The following HS3ST5 variants were observed in gnomAD, a reference collection of about 807,000 sequenced individuals.
HS3ST5 encodes the protein heparan sulfate-glucosamine 3-sulfotransferase 5, also known as heparan sulfate glucosamine 3-O-sulfotransferase 5.
HS3ST5 carries 10 observed loss-of-function variants against 25.4 expected under a neutral mutation model. That is an observed-to-expected ratio of 0.39 (90% confidence interval 0.24 to 0.67). The LOEUF is 0.67. HS3ST5 is among the 30% of genes least tolerant of loss of function. HS3ST5 has a pLI of 0.44. For missense variants in HS3ST5, 324 were observed against 420.7 expected, an observed-to-expected ratio of 0.77 and a Z score of 2.01; for synonymous variants, 170 against 162.4, an observed-to-expected ratio of 1.05 and a Z score of -0.36.
rs114893189 is a variant in HS3ST5 at position 114,121,963 on chromosome 6, C to T, written c.-33+46388G>A. Among the ~76,000 whole-genome samples, 370 of 152,328 alleles carry T rather than the reference C, an allele frequency of 2.4e-3. 4 individuals are homozygous for T. Among genetic ancestry groups the T allele is most frequent in the African/African-American group, 8.4e-3 (351 of 41,578 alleles). On this transcript the variant is annotated intron_variant, in intron 3 of 4. Coordinates refer to ENST00000312719, the MANE Select transcript of HS3ST5 (RefSeq NM_153612.4). The stretch of plus-strand genomic sequence containing the variant: ...CTTCTTCCTGCTGGAAGTCCTGTCC[C>T]AGGCCCCACCTGGGTGCTAGATGCC...
chr6:114,262,096 T>C (rs1442276118), intron 1 of HS3ST5, among the ~76,000 whole-genome samples: 1 of 152,180 alleles, frequency 6.6e-6, no homozygotes, highest in Non-Finnish European at 1.5e-5. Flanking sequence ...ATTTTGCACA[T>C]CCTACTTTGC....
At chr6:114,150,031 T>C (rs1240597722) in intron 3 of HS3ST5, among the ~76,000 whole-genome samples, 1 of 152,198 alleles carries the variant, frequency 6.6e-6, no homozygotes, top group East Asian at 1.9e-4. Context: ...TCTGGTACTT[T>C]TGGCTAGTGT....
chr6:114,283,084 T>G (rs1774192105), intron 1 of HS3ST5, among the ~76,000 whole-genome samples: 1 of 151,886 alleles, frequency 6.6e-6, no homozygotes. Flanking sequence ...AGAAAGACAG[T>G]AGAGAGGGCA....
intron 2 of HS3ST5, among the ~76,000 whole-genome samples, chr6:114,224,167 A>G (rs1396320383): frequency 2.0e-5 from 3 of 151,584 alleles, no homozygotes; most frequent in Non-Finnish European, 4.4e-5. Flanking sequence ...TTTCATTTTC[A>G]AAGTTTTGAA....
At chr6:114,280,747 T>C (rs1444203208) in intron 1 of HS3ST5, among the ~76,000 whole-genome samples, 1 of 152,042 alleles carries the variant, frequency 6.6e-6, no homozygotes, top group Non-Finnish European at 1.5e-5. Context: ...TCAATTTGTA[T>C]GCCTTTGAAG....
chr6:114,204,231 T>A (rs1781162364), intron 2 of HS3ST5, among the ~76,000 whole-genome samples: 1 of 152,150 alleles, frequency 6.6e-6, no homozygotes, highest in Non-Finnish European at 1.5e-5. Flanking sequence ...CTGAGGCAGA[T>A]AAGGGCTTTG....
intron 2 of HS3ST5, among the ~76,000 whole-genome samples, chr6:114,222,680 A>T (rs970973034): frequency 1.3e-5 from 2 of 151,878 alleles, no homozygotes; most frequent in African/African-American, 4.8e-5. Flanking sequence ...AGAGCAAGGA[A>T]TGGAAGAACA....
chr6:114,214,185 T>C (rs1781645096), intron 2 of HS3ST5, among the ~76,000 whole-genome samples: 5 of 152,230 alleles, frequency 3.3e-5, no homozygotes, highest in Admixed American at 1.3e-4. Flanking sequence ...AAACTTTTAA[T>C]CTGAAATAAA....
chr6:114,301,622 T>G (rs774743694), intron 1 of HS3ST5, among the ~76,000 whole-genome samples: 7 of 152,196 alleles, frequency 4.6e-5, no homozygotes, highest in Non-Finnish European at 1.0e-4. Flanking sequence ...CTTTCCTAAA[T>G]ATGGTAAAGC....
In HS3ST5 at chr6:114,062,805, A is replaced by G. The variant is rs375437133; in HGVS notation, c.41T>C (p.Leu14Pro). The change falls in exon 4 of 5, where the codon CTG (leucine) becomes CCG (proline). Residue 14 changes from leucine (L) to proline (P), a missense_variant. Transcript: ENST00000312719. ...KQQAWLRQKLLVLGSLAVGSL... is the reference protein window; with the variant it reads ...KQQAWLRQKLPVLGSLAVGSL... The stretch of plus-strand genomic sequence containing the variant: ...CCCAACGGCAAGGCTTCCCAGCACC[A>G]GGAGCTTCTGTCTCAGCCACGCCTG... 1.9e-6 allele frequency: 3 copies of G among 1,613,982 alleles called. No individual in the cohort carries two copies. The highest frequency in any genetic ancestry group is 2.7e-5 in the African/African-American group (2 of 74,928).
chr6:114,192,739 T>A (rs186863145), intron 2 of HS3ST5, among the ~76,000 whole-genome samples: 239 of 152,238 alleles, frequency 1.6e-3, no homozygotes, highest in African/African-American at 5.5e-3. Flanking sequence ...ACTATACAAT[T>A]TGGGGAAAAT....
intron 3 of HS3ST5, among the ~76,000 whole-genome samples, chr6:114,112,030 C>CGAG (rs1367629709): frequency 6.6e-6 from 1 of 152,054 alleles, no homozygotes; most frequent in Non-Finnish European, 1.5e-5. Flanking sequence ...TCCATGGTTC[C>CGAG]GCTGTATAAT....
intron 1 of HS3ST5, chr6:114,230,311 G>T (rs1349173028): frequency 2.0e-5 from 3 of 151,972 alleles, no homozygotes; most frequent in Non-Finnish European, 4.4e-5. Flanking sequence ...CTTTGCCTCG[G>T]TGACAAAGCT....
chr6:114,341,230 A>AGAGAGAGC (rs1236173711), intron 1 of HS3ST5, among the ~76,000 whole-genome samples: 3 of 137,586 alleles, frequency 2.2e-5, no homozygotes, highest in Non-Finnish European at 4.7e-5. Flanking sequence ...GGGGAGAGAG[A>AGAGAGAGC]GAGAGAGAGA....
chr6:114,203,022 GT>G (rs1236422071), intron 2 of HS3ST5, among the ~76,000 whole-genome samples: 30 of 152,186 alleles, frequency 2.0e-4, no homozygotes, highest in Non-Finnish European at 3.7e-4. Context: ...ATCAGAACTG[GT>G]GGTTAGTTAA....
At chr6:114,138,141 A>C (rs1399532733) in intron 3 of HS3ST5, among the ~76,000 whole-genome samples, 1 of 152,172 alleles carries the variant, frequency 6.6e-6, no homozygotes, top group Non-Finnish European at 1.5e-5. Context: ...CTGATTCCTT[A>C]GTCCATTATA....
intron 1 of HS3ST5, among the ~76,000 whole-genome samples, chr6:114,265,322 G>A (rs1179742516): frequency 6.6e-6 from 1 of 152,218 alleles, no homozygotes. Flanking sequence ...GGGTTTGGCT[G>A]CTTGAAGGCT....
At position 114,141,854 on chromosome 6, in the gene HS3ST5, TAGTTTG is replaced by T. The variant is rs891445405; in HGVS notation, c.-33+26491_-33+26496del. ...CAGCTTTCTGCTCTATCTAAGATGA[TAGTTTG>T]TGTGTGTGTGTGTGTGTGTGTGTGT... On this transcript the variant is annotated intron_variant, in intron 3 of 4. Coordinates refer to ENST00000312719, the MANE Select transcript of HS3ST5 (RefSeq NM_153612.4). Among the ~76,000 whole-genome samples the T allele has an allele frequency of 3.3e-5, 4 of 120,730 alleles. 1 individual carries two copies. The highest frequency in any genetic ancestry group is 1.3e-4 in the African/African-American group (4 of 31,886). 79.2% of individuals were successfully genotyped at this position (120,730 alleles called of 152,430 possible). A position where few individuals can be genotyped will look rare whatever the true frequency, so the allele number is the denominator to read the frequency against.
chr6:114,273,014 A>G (rs949795493), intron 1 of HS3ST5, among the ~76,000 whole-genome samples: 1 of 152,110 alleles, frequency 6.6e-6, no homozygotes. Context: ...CAGCCATTGG[A>G]GGATTTTAAG....
Sources: allele counts gnomAD v4.1 joint callset (sites outside exome capture counted in the v4.1 genomes callset), GRCh38; gene constraint gnomAD v4.1.1; transcripts MANE v1.5; gene names NCBI Gene and HGNC (gene_info 2026-07-23, HGNC 2026-07-21).